Variants in RPIA observed in about 807,000 individuals in gnomAD.
The protein encoded by RPIA is ribose-5-phosphate isomerase.
A neutral mutation model predicts 37.8 loss-of-function variants in RPIA; 29 were observed. That is an observed-to-expected ratio of 0.77 (90% CI 0.57 to 1.05). The LOEUF (loss-of-function observed/expected upper bound fraction) is 1.05. Ranked by LOEUF, RPIA falls within the 50% of genes least tolerant of loss-of-function variation. RPIA has a pLI of 0.00. For synonymous variants in RPIA, 167 were observed against 157.0 expected, an observed-to-expected ratio of 1.06 and a Z score of -0.48; for missense variants, 385 against 413.6, an observed-to-expected ratio of 0.93 and a Z score of 0.60.
At chr2:88,703,158 A>G (rs1052135110) in intron 3 of RPIA, among the ~76,000 whole-genome samples, 4 of 152,040 alleles carry the variant, frequency 2.6e-5, no homozygotes, top group South Asian at 2.1e-4. Context: ...GGCTGCTTTC[A>G]TGGGCTGGCA....
chr2:88,747,775 A>G (rs973054645), intron 8 of RPIA, among the ~76,000 whole-genome samples: 2 of 152,228 alleles, frequency 1.3e-5, no homozygotes, highest in African/African-American at 4.8e-5. Context: ...GTTCAGAGGC[A>G]GACTTTTCCC....
At chr2:88,712,024 G>T (rs990687636) in intron 3 of RPIA, among the ~76,000 whole-genome samples, 1 of 152,160 alleles carries the variant, frequency 6.6e-6, no homozygotes, top group African/African-American at 2.4e-5. Context: ...TGTCAGTTGT[G>T]CCTGAATTCC....
At chr2:88,715,031 C>T (rs1049201026) in intron 3 of RPIA, among the ~76,000 whole-genome samples, 21 of 152,218 alleles carry the variant, frequency 1.4e-4, no homozygotes, top group African/African-American at 4.8e-4. Flanking sequence ...TTTACTCCTA[C>T]TGTAACCACA....
At chr2:88,695,230 A>C (rs892105189) in intron 1 of RPIA, among the ~76,000 whole-genome samples, 3 of 152,212 alleles carry the variant, frequency 2.0e-5, no homozygotes, top group African/African-American at 7.2e-5. Flanking sequence ...ATCAAACCCA[A>C]AGAGAGTGTT....
chr2:88,700,041 G>T lies in RPIA; in HGVS notation c.379G>T (p.Val127Phe), dbSNP rs750237002. The change falls in exon 3 of 9, where the codon GTC becomes TTC. Residue 127 changes from valine to phenylalanine, a missense_variant. By Grantham distance (50) the Val-to-Phe change is conservative. Coordinates refer to ENST00000283646, the MANE Select transcript of RPIA (RefSeq NM_144563.3). ...GGTGAAGCAAGAGAATCTGAACCTC[G>T]TCTGTATTCCCACTTCCTTCCAGGT... ...ERVKQENLNLVCIPTSFQARQ... is the reference protein window; with the variant it reads ...ERVKQENLNLFCIPTSFQARQ... 4 of 1,614,210 alleles carry T rather than the reference G, an allele frequency of 2.5e-6. No homozygotes were observed. Among genetic ancestry groups the T allele is most frequent in the East Asian group, 2.2e-5 (1 of 44,882 alleles).
rs143240431 is a variant in RPIA at position 88,737,454 on chromosome 2, A to G, written c.739-523A>G. On this transcript the variant is annotated intron_variant, in intron 7 of 8. Coordinates refer to ENST00000283646, the MANE Select transcript of RPIA (RefSeq NM_144563.3). ...TCTGACTGACGTTCAGATTGTCGGCACATGAAAGAAATGTAGCACAAAATG... is the reference window on the plus strand; with the variant it reads ...TCTGACTGACGTTCAGATTGTCGGCGCATGAAAGAAATGTAGCACAAAATG... 2.5e-3 allele frequency among the ~76,000 whole-genome samples: 374 copies of G among 152,378 alleles called. 1 individual carries two copies. The highest frequency in any genetic ancestry group is 8.5e-3 in the African/African-American group (354 of 41,582).
intron 1 of RPIA, among the ~76,000 whole-genome samples, chr2:88,697,683 C>T (rs1284483380): frequency 6.6e-6 from 1 of 152,156 alleles, no homozygotes; most frequent in African/African-American, 2.4e-5. Context: ...AGGAAGTGCT[C>T]TGCATTTATT....
intron 3 of RPIA, among the ~76,000 whole-genome samples, chr2:88,700,663 A>G (rs74797973): frequency 0.015 from 2,250 of 152,344 alleles, 28 homozygotes; most frequent in South Asian, 0.039. Flanking sequence ...CAAGAAAAAA[A>G]AAATCAGGCT....
intron 3 of RPIA, among the ~76,000 whole-genome samples, chr2:88,707,483 A>C (rs1672911839): frequency 2.0e-5 from 3 of 152,172 alleles, no homozygotes; most frequent in Admixed American, 2.0e-4. Context: ...TTACAAACCC[A>C]ATAATGTTGG....
At position 88,691,785 on chromosome 2, in the gene RPIA, A is replaced by C. The variant is rs1014360947; in HGVS notation, c.87A>C (p.Gly29=). The change falls in exon 1 of 9, where the codon GGA becomes GGC. Residue 29 remains glycine, a synonymous_variant. Coordinates refer to ENST00000283646, the MANE Select transcript of RPIA (RefSeq NM_144563.3). ...PGRAGGAASG[G]GGNSWDLPGS... Reference sequence around the variant, plus strand: ...GGGCCGGGGGCGCGGCCTCCGGCGGAGGAGGGAACAGCTGGGACCTCCCGG... The same window carrying C: ...GGGCCGGGGGCGCGGCCTCCGGCGGCGGAGGGAACAGCTGGGACCTCCCGG... 1.3e-6 allele frequency: 2 copies of C among 1,592,652 alleles called. No homozygotes were observed. Among genetic ancestry groups the C allele is most frequent in the Non-Finnish European group, 1.7e-6 (2 of 1,173,008 alleles).
At chr2:88,720,191 A>G (rs1376684469) in intron 3 of RPIA, among the ~76,000 whole-genome samples, 4 of 152,180 alleles carry the variant, frequency 2.6e-5, no homozygotes, top group Non-Finnish European at 5.9e-5. Flanking sequence ...AAGAACTTCA[A>G]AAGCACATAC....
chr2:88,745,983 TC>T (rs2104149985), intron 8 of RPIA, among the ~76,000 whole-genome samples: 1 of 152,330 alleles, frequency 6.6e-6, no homozygotes, highest in African/African-American at 2.4e-5. Context: ...TTTTTTTGAT[TC>T]TTTTTTTCTT....
rs1485613090 is a variant in RPIA at position 88,750,274 on chromosome 2, A to G, written c.*196A>G. On this transcript the variant is annotated 3_prime_UTR_variant, in exon 9 of 9. Coordinates refer to ENST00000283646, the MANE Select transcript of RPIA (RefSeq NM_144563.3). ...TAAATGTCTTTTTAAAAAGAGAAAT[A>G]TAAACATATATTTTTACTATTAAAA... 8.4e-6 allele frequency: 4 copies of G among 475,666 alleles called. No individual in the cohort carries two copies. Among genetic ancestry groups the G allele is most frequent in the Non-Finnish European group, 1.5e-5 (4 of 265,164 alleles). The allele number at this position is 475,666 out of a possible 1,614,324, so 29.5% of individuals were successfully genotyped here. A position where few individuals can be genotyped will look rare whatever the true frequency, so the allele number is the denominator to read the frequency against.
chr2:88,721,610 A>G (rs1022717571), intron 3 of RPIA, among the ~76,000 whole-genome samples: 2 of 132,056 alleles, frequency 1.5e-5, no homozygotes, highest in African/African-American at 2.7e-5. Context: ...TTGCAGCACT[A>G]TTCACAATAG....
chr2:88,745,422 T>C (rs1378651385), intron 8 of RPIA, among the ~76,000 whole-genome samples: 2 of 152,232 alleles, frequency 1.3e-5, no homozygotes, highest in Non-Finnish European at 2.9e-5. Flanking sequence ...ATTGTGAGTT[T>C]TGTATCAAGA....
At chr2:88,734,130 T>C (rs1368215695) in intron 4 of RPIA, among the ~76,000 whole-genome samples, 1 of 151,988 alleles carries the variant, frequency 6.6e-6, no homozygotes, top group Non-Finnish European at 1.5e-5. Context: ...TGGAATTTAG[T>C]AGCACAGATA....
chr2:88,726,506 A>G (rs1057195638), intron 3 of RPIA, among the ~76,000 whole-genome samples: 1 of 152,148 alleles, frequency 6.6e-6, no homozygotes, highest in African/African-American at 2.4e-5. Context: ...TTTGTATAAG[A>G]ATAGAGAGGC....
At chr2:88,727,094 T>TGTGC (rs1558696919) in intron 3 of RPIA, among the ~76,000 whole-genome samples, 1 of 151,926 alleles carries the variant, frequency 6.6e-6, no homozygotes, top group Non-Finnish European at 1.5e-5. Context: ...CGTGTGTGTG[T>TGTGC]GTGCGCGCGC....
chr2:88,750,082 T>C lies in RPIA; in HGVS notation c.*4T>C. 1 of 1,601,956 alleles carries C rather than the reference T, an allele frequency of 6.2e-7. No homozygotes were observed. The highest frequency in any genetic ancestry group is 8.5e-7 in the Non-Finnish European group (1 of 1,169,662). On this transcript the variant is annotated 3_prime_UTR_variant, in exon 9 of 9. Transcript: ENST00000283646. ...GAGGGAGAAGCCTTTCTGTTGACCC[T>C]GCAAGGAGCAGAGTGTGTTCACCTT...
Sources: gnomAD v4.1 joint callset for allele counts (sites outside exome capture counted in the v4.1 genomes callset) on GRCh38, gnomAD v4.1.1 for gene constraint, MANE v1.5 for transcripts, NCBI Gene and HGNC (gene_info 2026-07-23, HGNC 2026-07-21) for gene names.